The following SLC25A25 variants were observed in gnomAD, a reference collection of about 807,000 sequenced individuals.
SLC25A25 encodes solute carrier family 25 member 25, also known as mitochondrial adenyl nucleotide antiporter SLC25A25.
In SLC25A25, 32 loss-of-function variants were observed where a neutral mutation model predicts 57.7. That is an observed-to-expected ratio of 0.55 (90% CI 0.42 to 0.74). SLC25A25 has a LOEUF of 0.74. SLC25A25 is among the 30% of genes least tolerant of loss of function. The probability of loss-of-function intolerance (pLI) is 0.00; values close to 1 mark genes in which losing one functional copy is unlikely to be tolerated. For missense variants in SLC25A25, 556 were observed against 701.3 expected (o/e 0.79, Z 2.34); for synonymous variants, 306 against 291.2 (o/e 1.05, Z -0.52).
rs1802267772 is a variant in SLC25A25, at chr9:128,103,054, G to C, written c.624+573G>C. On this transcript the variant is annotated intron_variant, in intron 5 of 10. Coordinates refer to ENST00000373069, the MANE Select transcript of SLC25A25 (RefSeq NM_001330988.2). The surrounding 1 kb of genome is among the most constrained non-coding windows in gnomAD (Gnocchi z 6.7). The stretch of plus-strand genomic sequence containing the variant: ...CCTCTGGACCATCCGCTCCAGGAGG[G>C]GAGGCCAGAGGCGCTCCTCATCTGC... Among the ~76,000 whole-genome samples, 1 of 152,188 alleles carries C rather than the reference G, an allele frequency of 6.6e-6. No individual in the cohort carries two copies. The highest frequency in any genetic ancestry group is 1.5e-5 in the Non-Finnish European group (1 of 68,018).
chr9:128,105,762 G>A lies in SLC25A25; in HGVS notation c.817G>A (p.Val273Ile), dbSNP rs780007071. 40 of 1,613,760 alleles carry A rather than the reference G, an allele frequency of 2.5e-5. No individual in the cohort carries two copies. The highest frequency in any genetic ancestry group is 4.4e-5 in the South Asian group (4 of 91,080). ...CTCCCGCAGCAACAACATGGGCATC[G>A]TTGGTGGCTTCACTCAGATGATTCG... The part of the protein sequence containing the change: ...HASRSNNMGI[V>I]GGFTQMIREG... Residue 273 changes from valine (V) to isoleucine (I), a missense_variant, in exon 7 of 11, where the codon GTT becomes ATT. Val to Ile is a conservative substitution (Grantham distance 29). This residue lies in a region of SLC25A25 where 294 missense variants were observed against 389.6 expected (regional missense o/e 0.75). Transcript: ENST00000373069.
chr9:128,101,613 C>T lies in SLC25A25; in HGVS notation c.476+217C>T, dbSNP rs952442162. Reference sequence around the variant, plus strand: ...ACAGATCACCTGGAATTTTGCCCATCGGCCAGTGGCCCATGAAGGGAAAAC... The same window carrying T: ...ACAGATCACCTGGAATTTTGCCCATTGGCCAGTGGCCCATGAAGGGAAAAC... On this transcript the variant is annotated intron_variant, in intron 3 of 10. Transcript: ENST00000373069. The surrounding 1 kb of genome is among the most constrained non-coding windows in gnomAD (Gnocchi z 4.9). Among the ~76,000 whole-genome samples the T allele has an allele frequency of 4.7e-5, 7 of 149,578 alleles. No homozygotes were observed. The East Asian group carries it at 8.0e-4, about 17-fold the overall frequency.
rs1834044657 is a variant in SLC25A25, at chr9:128,106,512, G to A, written c.1204G>A (p.Val402Ile). The change falls in exon 9 of 11, where the codon GTC becomes ATC. Residue 402 changes from valine (V) to isoleucine (I), a missense_variant. Val to Ile is a conservative substitution (Grantham distance 29, BLOSUM62 3). This residue lies in a region of SLC25A25 where 294 missense variants were observed against 389.6 expected (regional missense o/e 0.75). Transcript: ENST00000373069. ...CCCCTATGCCGGCATCGACCTTGCA[G>A]TCTACGAGGTGAGGCCCAAGCTGGA... ...IIPYAGIDLA[V>I]YETLKNAWLQ... 1.2e-6 allele frequency: 2 copies of A among 1,603,058 alleles called. No individual in the cohort carries two copies. The highest frequency in any genetic ancestry group is 1.7e-6 in the Non-Finnish European group (2 of 1,176,604).
chr9:128,090,910 A>G (rs1408041253), intron 1 of SLC25A25: 1 of 152,248 alleles, frequency 6.6e-6, no homozygotes, highest in Non-Finnish European at 1.5e-5. Context: ...GTAAACTAAG[A>G]AACAAATGAC....
At chr9:128,085,068 A>C (rs992705270) in intron 1 of SLC25A25, among the ~76,000 whole-genome samples, 3 of 152,122 alleles carry the variant, frequency 2.0e-5, no homozygotes, top group African/African-American at 7.2e-5. Context: ...AGTGGCTCAC[A>C]CCTGTAATCC....
At chr9:128,087,420 C>A (rs1833303221) in intron 1 of SLC25A25, among the ~76,000 whole-genome samples, 1 of 152,176 alleles carries the variant, frequency 6.6e-6, no homozygotes, top group African/African-American at 2.4e-5. Context: ...AGCCACCATG[C>A]CTGGCCAGAA....
At position 128,068,399 on chromosome 9, in the gene SLC25A25, C is replaced by T. The variant is rs778512097; in HGVS notation, c.80C>T (p.Ser27Leu). Residue 27 changes from serine (S) to leucine (L), a missense_variant, in exon 1 of 11, where the codon TCA becomes TTA. By Grantham distance (145) the Ser-to-Leu change is moderately radical (BLOSUM62 -2). Coordinates refer to ENST00000373069, the MANE Select transcript of SLC25A25 (RefSeq NM_001330988.2). ...AAATAASSSA[S>L]SPASVGDPCG... ...GCCACCGCCGCCTCTTCGTCTGCCT[C>T]ATCGCCGGCGTCCGTGGGGGACCCC... is the stretch of plus-strand genomic sequence containing the variant. The T allele has an allele frequency of 5.3e-5, 83 of 1,557,524 alleles. 1 individual carries two copies. The highest frequency in any genetic ancestry group is 1.9e-5 in the Admixed American group (1 of 53,980).
chr9:128,075,411 A>G (rs1008236253), intron 1 of SLC25A25, among the ~76,000 whole-genome samples: 1 of 152,118 alleles, frequency 6.6e-6, no homozygotes, highest in African/African-American at 2.4e-5. Flanking sequence ...GGCCAGATGC[A>G]GTGGTTCACA....
At position 128,079,911 on chromosome 9, in the gene SLC25A25, A is replaced by C. The variant is rs150899451; in HGVS notation, c.261+11331A>C. Among the ~76,000 whole-genome samples, 7 of 152,224 alleles carry C rather than the reference A, an allele frequency of 4.6e-5. No individual in the cohort carries two copies. The East Asian group carries it at 1.4e-3, about 29-fold the overall frequency. ...GAGGCTGAGGCAGGAGAATCGCTTG[A>C]ACCTGGGAAACAGAGGTTGCAGGCA... On this transcript the variant is annotated intron_variant, in intron 1 of 10. Transcript: ENST00000373069.
At chr9:128,074,933 C>T (rs897286645) in intron 1 of SLC25A25, among the ~76,000 whole-genome samples, 2 of 152,022 alleles carry the variant, frequency 1.3e-5, no homozygotes, top group South Asian at 2.1e-4. Flanking sequence ...GTCAGGAGTT[C>T]GAGACCAGCC....
chr9:128,106,968 C>G lies in SLC25A25; in HGVS notation c.1213-61C>G, dbSNP rs1032143849. 5.1e-6 allele frequency: 8 copies of G among 1,566,690 alleles called. No individual in the cohort carries two copies. In the Admixed American group the frequency reaches 8.6e-5, roughly 17 times the overall value. ...TGGCCTGAGGACCCAGTAACAGCCC[C>G]GTCTCTTGCTGCCTCACTAGCCCTT... On this transcript the variant is annotated intron_variant, in intron 9 of 10. Transcript: ENST00000373069.
At chr9:128,092,419 A>G (rs1365074138) in intron 1 of SLC25A25, among the ~76,000 whole-genome samples, 1 of 152,162 alleles carries the variant, frequency 6.6e-6, no homozygotes, top group African/African-American at 2.4e-5. Flanking sequence ...GCTTATCCGA[A>G]CAGCTCAGGA....
chr9:128,080,647 A>T (rs2130790902), intron 1 of SLC25A25, among the ~76,000 whole-genome samples: 1 of 151,760 alleles, frequency 6.6e-6, no homozygotes. Flanking sequence ...CTGGTCTCGA[A>T]CTCCCAACCT....
At chr9:128,073,366 C>T (rs527965574) in intron 1 of SLC25A25, among the ~76,000 whole-genome samples, 4 of 152,150 alleles carry the variant, frequency 2.6e-5, no homozygotes, top group East Asian at 1.9e-4. Context: ...AACAAGAATC[C>T]GCCCTCCCCC....
rs1834143031 is a variant in SLC25A25 at position 128,108,537 on chromosome 9, G to C, written c.*1093G>C. On this transcript the variant is annotated 3_prime_UTR_variant, in exon 11 of 11. Coordinates refer to ENST00000373069, the MANE Select transcript of SLC25A25 (RefSeq NM_001330988.2). ...TATTTATTTTGTATTTATTTGAACA[G>C]AGTTATGTCCTAACTATTTTTATAG... is the stretch of plus-strand genomic sequence containing the variant. The C allele has an allele frequency of 6.3e-6, 2 of 318,560 alleles. No individual in the cohort carries two copies. The highest frequency in any genetic ancestry group is 2.1e-5 in the African/African-American group (1 of 47,078). The allele number at this position is 318,560 out of a possible 1,614,324, so 19.7% of individuals were successfully genotyped here. A position where few individuals can be genotyped will look rare whatever the true frequency, so the allele number is the denominator to read the frequency against.
At chr9:128,089,092 C>T (rs553915376) in intron 1 of SLC25A25, among the ~76,000 whole-genome samples, 96 of 152,236 alleles carry the variant, frequency 6.3e-4, no homozygotes, top group African/African-American at 2.2e-3. Flanking sequence ...GACAGAGTCA[C>T]ATTATGTTGG....
Position 128,101,437 on chromosome 9 carries a change from T to G in SLC25A25, c.476+41T>G, listed in dbSNP as rs750637110. 7 of 1,603,466 alleles carry G rather than the reference T, an allele frequency of 4.4e-6. 1 individual carries two copies. In the South Asian group the frequency reaches 7.7e-5, roughly 18 times the overall value. On this transcript the variant is annotated intron_variant, in intron 3 of 10. Transcript: ENST00000373069. The surrounding 1 kb of genome is among the most constrained non-coding windows in gnomAD (Gnocchi z 4.9). Reference sequence around the variant, plus strand: ...GCCTCTGTGTTTGGTTTAAGTGTGATGAAGGGAAGGCTCTGAGACTAACCC... The same window carrying G: ...GCCTCTGTGTTTGGTTTAAGTGTGAGGAAGGGAAGGCTCTGAGACTAACCC...
chr9:128,106,707 G>A (rs1375319533), intron 9 of SLC25A25, among the ~76,000 whole-genome samples, 187 bp downstream of exon 9: 4 of 152,140 alleles, frequency 2.6e-5, no homozygotes, highest in Non-Finnish European at 4.4e-5. Flanking sequence ...CAGCTCCTGT[G>A]AGCCCTGCAC....
intron 1 of SLC25A25, among the ~76,000 whole-genome samples, chr9:128,097,879 G>A (rs1833609172): frequency 6.6e-6 from 1 of 152,226 alleles, no homozygotes; most frequent in African/African-American, 2.4e-5. Flanking sequence ...GGCTGTGGAG[G>A]GCTGCAGGTT....
Sources: gnomAD v4.1 joint callset for allele counts (sites outside exome capture counted in the v4.1 genomes callset) on GRCh38, gnomAD v4.1.1 for gene constraint, gnomAD v4.1.1 regional missense constraint, Gnocchi (gnomAD v3.1) non-coding constraint, MANE v1.5 for transcripts, NCBI Gene and HGNC (gene_info 2026-07-23, HGNC 2026-07-21) for gene names.